The following THTPA variants were observed in gnomAD, a reference collection of about 807,000 sequenced individuals.
The protein encoded by THTPA is thiamine triphosphatase, also known as thiamine-triphosphatase.
Under a neutral mutation model 16.5 loss-of-function variants are expected in THTPA, and 16 were observed. The ratio of observed to expected loss-of-function variants is 0.97; its 90% CI spans 0.66 to 1.47. The LOEUF (loss-of-function observed/expected upper bound fraction) is 1.47. Among genes scored for constraint, THTPA ranks in the 40% most tolerant of loss-of-function variants. The probability of loss-of-function intolerance (pLI) is 0.00; values close to 1 mark genes in which losing one functional copy is unlikely to be tolerated. For missense variants in THTPA, 281 were observed against 280.9 expected (o/e 1.00, Z 0.00); for synonymous variants, 110 against 115.5 (o/e 0.95, Z 0.30).
Position 23,556,764 on chromosome 14 carries a change from C to A in THTPA, c.7C>A (p.Gln3Lys), listed in dbSNP as rs774180582. The A allele has an allele frequency of 6.2e-7, 1 of 1,612,984 alleles. No individual in the cohort carries two copies. Among genetic ancestry groups the A allele is most frequent in the Non-Finnish European group, 8.5e-7 (1 of 1,179,486 alleles). Residue 3 changes from glutamine to lysine, a missense_variant, in exon 1 of 2, where the codon CAG (glutamine) becomes AAG (lysine). Transcript: ENST00000288014. MAQGLIEVERKFL... is the reference protein window; with the variant it reads MAKGLIEVERKFL... ...TCAGCCAATTGCAGGTAGCATGGCC[C>A]AGGGCTTGATTGAGGTGGAGCGAAA...
the THTPA span, chr14:23,533,252 A>T: frequency 4.5e-6 from 5 of 1,105,190 alleles, no homozygotes; most frequent in Non-Finnish European, 6.0e-6. The surrounding 1 kb of genome is among the most constrained non-coding windows in gnomAD (Gnocchi z 4.8). Context: ...GGCCCTGGGG[A>T]GGAGAGAAGA....
chr14:23,513,176 G>T, the THTPA span: 1 of 152,120 alleles, frequency 6.6e-6, no homozygotes, highest in Non-Finnish European at 1.5e-5. Flanking sequence ...AGAGAGGGAG[G>T]GAGGCTGGGC....
At chr14:23,523,498 G>A in the THTPA span, 9 of 1,536,324 alleles carry the variant, frequency 5.9e-6, no homozygotes, top group Non-Finnish European at 7.0e-6. The surrounding 1 kb of genome is among the most constrained non-coding windows in gnomAD (Gnocchi z 4.1). Context: ...CACAATAGGG[G>A]CAGTCAGTGC....
chr14:23,548,799 C>A, the THTPA span, among the ~76,000 whole-genome samples: 58 of 152,284 alleles, frequency 3.8e-4, no homozygotes, highest in African/African-American at 1.4e-3. Context: ...TGGGGCTTCG[C>A]CCAGTGGTAT....
the THTPA span, chr14:23,533,363 C>T: frequency 6.9e-7 from 1 of 1,445,096 alleles, no homozygotes; most frequent in African/African-American, 1.4e-5. This position sits in a 1 kb window ranked among gnomAD's most constrained non-coding sequence, Gnocchi z 4.8. Context: ...AGGGGCTTGT[C>T]TGGCCTCAGC....
At chr14:23,515,435 C>A in the THTPA span, among the ~76,000 whole-genome samples, 1 of 152,048 alleles carries the variant, frequency 6.6e-6, no homozygotes, top group Non-Finnish European at 1.5e-5. Context: ...TGCAAGGCAC[C>A]CAGTTAGAGT....
the THTPA span, chr14:23,524,672 G>C: frequency 4.6e-6 from 7 of 1,536,222 alleles, no homozygotes; most frequent in Non-Finnish European, 6.1e-6. This position sits in a 1 kb window ranked among gnomAD's most constrained non-coding sequence, Gnocchi z 5.6. Context: ...CTTCTCTTCA[G>C]GCTCTTTGCC....
chr14:23,546,494 T>C, the THTPA span, among the ~76,000 whole-genome samples: 1 of 152,108 alleles, frequency 6.6e-6, no homozygotes, highest in African/African-American at 2.4e-5. The surrounding 1 kb of genome is among the most constrained non-coding windows in gnomAD (Gnocchi z 4.7). Flanking sequence ...CCTTAACAAC[T>C]GCACATGAGG....
the THTPA span, chr14:23,525,460 G>A: frequency 1.3e-6 from 2 of 1,536,128 alleles, no homozygotes. The surrounding 1 kb of genome is among the most constrained non-coding windows in gnomAD (Gnocchi z 5.9). Flanking sequence ...GTGTCTTGAG[G>A]ATAAGCATAT....
chr14:23,551,953 G>T (rs1050152597), upstream of THTPA, among the ~76,000 whole-genome samples: 5 of 152,214 alleles, frequency 3.3e-5, no homozygotes, highest in Non-Finnish European at 5.9e-5. This position sits in a 1 kb window ranked among gnomAD's most constrained non-coding sequence, Gnocchi z 5.3. Context: ...AAGAGGGCAG[G>T]CCCCTTTAAA....
chr14:23,523,908 C>T, the THTPA span: 1 of 1,536,200 alleles, frequency 6.5e-7, no homozygotes, highest in Non-Finnish European at 8.7e-7. This position sits in a 1 kb window ranked among gnomAD's most constrained non-coding sequence, Gnocchi z 4.1. Context: ...TTAGGTGGTT[C>T]CTCTGGGCCC....
chr14:23,522,564 G>A, the THTPA span: 1 of 1,527,752 alleles, frequency 6.5e-7, no homozygotes, highest in Non-Finnish European at 8.8e-7. Context: ...CCATAGAGCT[G>A]TTGGAAGTAG....
At chr14:23,513,132 C>G in the THTPA span, 1 of 152,352 alleles carries the variant, frequency 6.6e-6, no homozygotes, top group Non-Finnish European at 1.5e-5. Context: ...CTCCCCTCTC[C>G]CCATCCCCCC....
chr14:23,529,425 A>T, the THTPA span: 1 of 391,774 alleles, frequency 2.6e-6, no homozygotes, highest in Non-Finnish European at 4.7e-6. Context: ...TCCAGCATGT[A>T]CCCCCACTCT....
chr14:23,555,689 C>A (rs947309316), upstream of THTPA: 3 of 150,968 alleles, frequency 2.0e-5, no homozygotes, highest in African/African-American at 7.3e-5. Flanking sequence ...TCCCTCCCCC[C>A]ACCCCAACCC....
chr14:23,526,056 T>C, the THTPA span: 1 of 1,536,550 alleles, frequency 6.5e-7, no homozygotes, highest in Non-Finnish European at 8.7e-7. Flanking sequence ...TCGCCTTCCT[T>C]GGGCTCTTCT....
At chr14:23,555,900 A>G (rs986195426), upstream of THTPA, 8 of 152,254 alleles carry the variant, frequency 5.3e-5, no homozygotes, top group African/African-American at 1.9e-4. Context: ...CTTTAGGTAG[A>G]GTACCGCAGG....
upstream of THTPA, among the ~76,000 whole-genome samples, chr14:23,554,017 C>T (rs80290179): frequency 6.2e-4 from 79 of 127,300 alleles, no homozygotes; most frequent in Admixed American, 6.9e-4. Flanking sequence ...TGAGCTGAGA[C>T]GCCAGAGTGA....
At chr14:23,531,862 C>G in the THTPA span, 11 of 1,125,514 alleles carry the variant, frequency 9.8e-6, no homozygotes, top group Non-Finnish European at 1.2e-5. Context: ...ACTGAAGCCT[C>G]TACCTCCTGG....
Sources: allele counts gnomAD v4.1 joint callset (sites outside exome capture counted in the v4.1 genomes callset), GRCh38; gene constraint gnomAD v4.1.1; non-coding constraint Gnocchi (gnomAD v3.1); transcripts MANE v1.5; gene names NCBI Gene and HGNC (gene_info 2026-07-23, HGNC 2026-07-21).